The following CDKAL1 variants were observed in gnomAD, a reference collection of about 807,000 sequenced individuals.
CDKAL1 encodes CDKAL1 threonylcarbamoyladenosine tRNA methylthiotransferase, also known as threonylcarbamoyladenosine tRNA methylthiotransferase.
In CDKAL1, 32 loss-of-function variants were observed where a neutral mutation model predicts 68.2. The ratio of observed to expected loss-of-function variants is 0.47; its 90% CI spans 0.35 to 0.63. CDKAL1 has a LOEUF of 0.63. Among genes scored for constraint, CDKAL1 ranks in the 30% least tolerant of loss-of-function variants. The pLI is 0.00. For missense variants in CDKAL1, 606 were observed against 696.7 expected, an observed-to-expected ratio of 0.87 and a Z score of 1.47; for synonymous variants, 234 against 244.3, an observed-to-expected ratio of 0.96 and a Z score of 0.39.
In CDKAL1 at chr6:21,046,696, A is replaced by G. The variant is rs529946595; in HGVS notation, c.1056-18352A>G. ...CCTTCACATAAAAGCTACAACGTCT[A>G]ACAAACAGACACATTTCATGTGAGT... On this transcript the variant is annotated intron_variant, in intron 11 of 15. Transcript: ENST00000274695. Among the ~76,000 whole-genome samples, 3 of 152,382 alleles carry G rather than the reference A, an allele frequency of 2.0e-5. No homozygotes were observed. The South Asian group carries it at 6.2e-4, about 32-fold the overall frequency.
intron 5 of CDKAL1, among the ~76,000 whole-genome samples, chr6:20,714,008 T>A (rs1323623364): frequency 6.6e-6 from 1 of 152,138 alleles, no homozygotes; most frequent in East Asian, 1.9e-4. Context: ...GCAAAATGAT[T>A]TCTTATGACA....
chr6:20,610,384 A>G (rs1412271751), intron 4 of CDKAL1, among the ~76,000 whole-genome samples: 2 of 152,196 alleles, frequency 1.3e-5, no homozygotes, highest in African/African-American at 2.4e-5. Context: ...GAACTAATTT[A>G]CATTCCCACC....
intron 2 of CDKAL1, among the ~76,000 whole-genome samples, chr6:20,541,989 C>T (rs1003068026): frequency 3.9e-5 from 6 of 152,192 alleles, no homozygotes; most frequent in Admixed American, 3.9e-4. Flanking sequence ...CCACGTGGTA[C>T]GTATGTTAAC....
chr6:21,147,047 G>C (rs900367060), intron 13 of CDKAL1, among the ~76,000 whole-genome samples: 1 of 152,062 alleles, frequency 6.6e-6, no homozygotes, highest in Non-Finnish European at 1.5e-5. Flanking sequence ...ACGACCAAAG[G>C]CTTCTTCAGC....
At chr6:21,168,839 A>G (rs574951213) in intron 13 of CDKAL1, among the ~76,000 whole-genome samples, 2 of 152,194 alleles carry the variant, frequency 1.3e-5, no homozygotes, top group East Asian at 3.9e-4. Flanking sequence ...ATTCGCATCT[A>G]TCTCTGTTTC....
chr6:21,115,814 C>G (rs1054664529), intron 13 of CDKAL1, among the ~76,000 whole-genome samples: 1 of 152,156 alleles, frequency 6.6e-6, no homozygotes, highest in Admixed American at 6.5e-5. Flanking sequence ...AATGACCCAG[C>G]CTTGAAATAA....
chr6:21,151,760 A>G (rs1448881521), intron 13 of CDKAL1, among the ~76,000 whole-genome samples: 1 of 152,162 alleles, frequency 6.6e-6, no homozygotes, highest in Non-Finnish European at 1.5e-5. Flanking sequence ...TCAGGACAAG[A>G]GCCATATCTT....
intron 9 of CDKAL1, among the ~76,000 whole-genome samples, chr6:20,937,128 C>A (rs1192237557): frequency 6.6e-6 from 1 of 151,968 alleles, no homozygotes; most frequent in Non-Finnish European, 1.5e-5. Context: ...TCACTCTGTC[C>A]CCCAGGTGGG....
chr6:20,752,138 T>C (rs941910838), intron 6 of CDKAL1, among the ~76,000 whole-genome samples: 1 of 151,964 alleles, frequency 6.6e-6, no homozygotes, highest in African/African-American at 2.4e-5. Flanking sequence ...TTTTCCCCAT[T>C]GCTTCCTCCG....
chr6:20,669,424 G>A (rs763317819), intron 5 of CDKAL1, among the ~76,000 whole-genome samples: 8 of 151,980 alleles, frequency 5.3e-5, no homozygotes, highest in Non-Finnish European at 7.4e-5. Flanking sequence ...GACATAATCC[G>A]TAACTATCAT....
rs75577407 is a variant in CDKAL1 at position 20,635,851 on chromosome 6, C to T, written c.287-13442C>T. On this transcript the variant is annotated intron_variant, in intron 4 of 15. Transcript: ENST00000274695. Reference sequence around the variant, plus strand: ...GTTTTATGTGACATGGGAACTTTCACAAGGAAATGAAGACCCAAAGAAACA... The same window carrying T: ...GTTTTATGTGACATGGGAACTTTCATAAGGAAATGAAGACCCAAAGAAACA... Among the ~76,000 whole-genome samples the T allele has an allele frequency of 4.9e-3, 739 of 152,196 alleles. 4 individuals are homozygous for T. The highest frequency in any genetic ancestry group is 0.017 in the African/African-American group (692 of 41,518).
intron 4 of CDKAL1, among the ~76,000 whole-genome samples, chr6:20,588,080 G>C (rs1434134634): frequency 1.3e-5 from 2 of 152,144 alleles, no homozygotes; most frequent in Non-Finnish European, 2.9e-5. Context: ...CTGGGCGACA[G>C]AGCAAGACCC....
intron 9 of CDKAL1, among the ~76,000 whole-genome samples, chr6:20,877,027 G>A (rs1028651256): frequency 6.6e-6 from 1 of 152,146 alleles, no homozygotes; most frequent in Non-Finnish European, 1.5e-5. Context: ...CTGTGTATTG[G>A]AAGGTCTGGT....
chr6:21,173,517 G>C (rs1425177450), intron 13 of CDKAL1, among the ~76,000 whole-genome samples: 7 of 152,298 alleles, frequency 4.6e-5, no homozygotes, highest in African/African-American at 1.7e-4. Context: ...AACATGCATT[G>C]ACACTCATTG....
intron 15 of CDKAL1, among the ~76,000 whole-genome samples, chr6:21,214,313 T>TTATA (rs72236745): frequency 5.3e-5 from 8 of 149,962 alleles, no homozygotes; most frequent in East Asian, 1.9e-4. Flanking sequence ...AAATGTTATT[T>TTATA]TATATATATA....
intron 6 of CDKAL1, among the ~76,000 whole-genome samples, chr6:20,749,651 C>T (rs911169674): frequency 1.3e-4 from 20 of 151,744 alleles, no homozygotes; most frequent in African/African-American, 4.6e-4. Flanking sequence ...GGGTTCACGC[C>T]ATTCTCCTGC....
chr6:20,803,508 G>GAGAATATATTCT (rs777152306), intron 8 of CDKAL1, among the ~76,000 whole-genome samples: 4 of 152,208 alleles, frequency 2.6e-5, no homozygotes, highest in Non-Finnish European at 5.9e-5. Context: ...CTCAGAAGAT[G>GAGAATATATTCT]CAGAGAGGAG....
intron 9 of CDKAL1, among the ~76,000 whole-genome samples, chr6:20,889,452 T>A (rs2150575584): frequency 6.6e-6 from 1 of 152,258 alleles, no homozygotes; most frequent in African/African-American, 2.4e-5. Context: ...TGCCCATGCC[T>A]ATGTCCTGAA....
chr6:20,902,468 T>G (rs1162644668), intron 9 of CDKAL1, among the ~76,000 whole-genome samples: 1 of 152,098 alleles, frequency 6.6e-6, no homozygotes, highest in African/African-American at 2.4e-5. Context: ...GTACTGAACA[T>G]GGAAGACTGG....
Sources: allele counts gnomAD v4.1 joint callset (sites outside exome capture counted in the v4.1 genomes callset), GRCh38; gene constraint gnomAD v4.1.1; transcripts MANE v1.5; gene names NCBI Gene and HGNC (gene_info 2026-07-23, HGNC 2026-07-21).